KHDRBS2: variants seen among roughly 807,000 people sequenced by gnomAD.
KHDRBS2 encodes KH RNA binding domain containing, signal transduction associated 2, also known as KH domain-containing, RNA-binding, signal transduction-associated protein 2.
In KHDRBS2, 26 loss-of-function variants were observed where a neutral mutation model predicts 44.3. That is an observed-to-expected ratio of 0.59 (90% confidence interval 0.43 to 0.81). The LOEUF (loss-of-function observed/expected upper bound fraction) is 0.81. KHDRBS2 is among the 40% of genes least tolerant of loss of function. The probability of loss-of-function intolerance (pLI) is 0.00; values close to 1 mark genes in which losing one functional copy is unlikely to be tolerated. For synonymous variants in KHDRBS2, 194 were observed against 151.1 expected, an observed-to-expected ratio of 1.28 and a Z score of -2.08; for missense variants, 476 against 433.1, an observed-to-expected ratio of 1.10 and a Z score of -0.88.
the KHDRBS2 span, among the ~76,000 whole-genome samples, chr6:61,615,888 G>A: frequency 6.6e-6 from 1 of 152,122 alleles, no homozygotes; most frequent in Non-Finnish European, 1.5e-5. Context: ...TTAGAGATAT[G>A]GCCCAAGTCT....
At chr6:62,077,807 A>C (rs1161440637) in intron 2 of KHDRBS2, among the ~76,000 whole-genome samples, 1 of 152,068 alleles carries the variant, frequency 6.6e-6, no homozygotes, top group Non-Finnish European at 1.5e-5. Flanking sequence ...AACTGAAGGA[A>C]AGAATTAATT....
chr6:62,021,947 A>G (rs1356613351), intron 3 of KHDRBS2, among the ~76,000 whole-genome samples: 1 of 107,628 alleles, frequency 9.3e-6, no homozygotes, highest in Non-Finnish European at 2.0e-5. Flanking sequence ...TATACACACT[A>G]TATACATATA....
chr6:61,861,446 C>A (rs1583214050), intron 6 of KHDRBS2, among the ~76,000 whole-genome samples: 1 of 152,116 alleles, frequency 6.6e-6, no homozygotes, highest in South Asian at 2.1e-4. Context: ...AGCCAGTTTT[C>A]CCAATACCAT....
intron 4 of KHDRBS2, among the ~76,000 whole-genome samples, chr6:61,966,160 A>G (rs1769893706): frequency 6.6e-6 from 1 of 152,060 alleles, no homozygotes; most frequent in African/African-American, 2.4e-5. Flanking sequence ...TCTGAAAATG[A>G]GAATTACACT....
At chr6:62,015,922 AT>A (rs941777400) in intron 3 of KHDRBS2, among the ~76,000 whole-genome samples, 8 of 152,176 alleles carry the variant, frequency 5.3e-5, no homozygotes, top group Non-Finnish European at 1.0e-4. Flanking sequence ...CAATAATTTT[AT>A]TCCAGTGTCA....
At chr6:62,157,636 CAAT>C (rs1035436363) in intron 2 of KHDRBS2, among the ~76,000 whole-genome samples, 81 of 152,042 alleles carry the variant, frequency 5.3e-4, no homozygotes, top group African/African-American at 1.9e-3. Context: ...ACATAAAATA[CAAT>C]AATAATAGCA....
chr6:61,888,647 C>T (rs551401611), intron 6 of KHDRBS2, among the ~76,000 whole-genome samples: 9 of 150,980 alleles, frequency 6.0e-5, no homozygotes, highest in East Asian at 3.9e-4. Context: ...CTGCAAGCTC[C>T]GCCTCCCGGG....
chr6:62,083,361 A>C (rs1289821551), intron 2 of KHDRBS2, among the ~76,000 whole-genome samples: 1 of 152,090 alleles, frequency 6.6e-6, no homozygotes, highest in African/African-American at 2.4e-5. Flanking sequence ...ATTGAGGGCC[A>C]CTTTCACTGG....
chr6:61,596,706 C>T, the KHDRBS2 span, among the ~76,000 whole-genome samples: 1 of 152,060 alleles, frequency 6.6e-6, no homozygotes, highest in Non-Finnish European at 1.5e-5. Flanking sequence ...GGCTGGAGTA[C>T]AGTGGTGCAA....
intron 6 of KHDRBS2, among the ~76,000 whole-genome samples, chr6:61,829,030 G>A (rs1359622040): frequency 6.6e-6 from 1 of 152,198 alleles, no homozygotes; most frequent in Non-Finnish European, 1.5e-5. Flanking sequence ...TTTAACTCCA[G>A]AGAGTTATAT....
In KHDRBS2 at chr6:61,728,458, G is replaced by GA. The variant is rs1392235537; in HGVS notation, c.893+4223dup. ...CTCTGAATTTAAAATAAAAGTTGAA[G>GA]AAAAAAAAAGATTTAGCTACAAAGA... On this transcript the variant is annotated intron_variant, in intron 7 of 8. Coordinates refer to ENST00000281156, the MANE Select transcript of KHDRBS2 (RefSeq NM_152688.4). Among the ~76,000 whole-genome samples the GA allele has an allele frequency of 6.7e-5, 10 of 149,142 alleles. No individual in the cohort carries two copies. The South Asian group carries it at 1.5e-3, about 22-fold the overall frequency.
chr6:62,065,840 T>C (rs1265909903), intron 2 of KHDRBS2, among the ~76,000 whole-genome samples: 3 of 151,800 alleles, frequency 2.0e-5, no homozygotes, highest in Non-Finnish European at 4.4e-5. Context: ...AGAATATGCT[T>C]ATAAAAATGA....
intron 6 of KHDRBS2, among the ~76,000 whole-genome samples, chr6:61,802,159 G>C (rs1279407827): frequency 6.6e-6 from 1 of 152,082 alleles, no homozygotes; most frequent in African/African-American, 2.4e-5. Context: ...ATGAATTCAT[G>C]ACCACATGAG....
At chr6:61,826,971 A>G (rs1790979900) in intron 6 of KHDRBS2, among the ~76,000 whole-genome samples, 2 of 152,220 alleles carry the variant, frequency 1.3e-5, no homozygotes, top group South Asian at 4.1e-4. Flanking sequence ...TATCTATCAG[A>G]ACATAATTTT....
At chr6:61,907,308 C>T (rs1805215106) in intron 4 of KHDRBS2, among the ~76,000 whole-genome samples, 1 of 151,628 alleles carries the variant, frequency 6.6e-6, no homozygotes, top group South Asian at 2.1e-4. Context: ...GTTATTAATC[C>T]CTTATCAGAT....
rs559441399 is a variant in KHDRBS2 at position 62,123,844 on chromosome 6, T to C, written c.219+53341A>G. Reference sequence around the variant, plus strand: ...CTTATGAATATTGCTCCTTTTGTTGTTATGTACTGTTTTGTTGACACATTT... The same window carrying C: ...CTTATGAATATTGCTCCTTTTGTTGCTATGTACTGTTTTGTTGACACATTT... On this transcript the variant is annotated intron_variant, in intron 2 of 8. Coordinates refer to ENST00000281156, the MANE Select transcript of KHDRBS2 (RefSeq NM_152688.4). 1.7e-4 allele frequency among the ~76,000 whole-genome samples: 26 copies of C among 152,322 alleles called. 1 individual carries two copies. Among genetic ancestry groups the C allele is most frequent in the Middle Eastern group, 3.4e-3 (1 of 294 alleles).
the KHDRBS2 span, among the ~76,000 whole-genome samples, chr6:61,636,879 G>A: frequency 1.3e-5 from 2 of 151,882 alleles, no homozygotes; most frequent in African/African-American, 4.8e-5. Context: ...TTCTTCAAAA[G>A]GCCTAGCACA....
At chr6:61,558,054 T>G in the KHDRBS2 span, among the ~76,000 whole-genome samples, 2 of 152,140 alleles carry the variant, frequency 1.3e-5, no homozygotes, top group Admixed American at 6.5e-5. Flanking sequence ...GTTATCAAAT[T>G]TTTAATCTTT....
intron 7 of KHDRBS2, among the ~76,000 whole-genome samples, chr6:61,716,066 G>T (rs976667666): frequency 6.6e-6 from 1 of 151,806 alleles, no homozygotes; most frequent in Non-Finnish European, 1.5e-5. Context: ...GGCTGGACTT[G>T]TGAGGTGCTT....
Sources: allele counts gnomAD v4.1 joint callset (sites outside exome capture counted in the v4.1 genomes callset), GRCh38; gene constraint gnomAD v4.1.1; transcripts MANE v1.5; gene names NCBI Gene and HGNC (gene_info 2026-07-23, HGNC 2026-07-21).